Variants in BABAM2 observed in about 807,000 individuals in gnomAD.
BABAM2 encodes BRISC and BRCA1 A complex member 2.
Under a neutral mutation model 54.7 loss-of-function variants are expected in BABAM2, and 31 were observed. The ratio of observed to expected loss-of-function variants is 0.57; its 90% confidence interval spans 0.43 to 0.77. The LOEUF (loss-of-function observed/expected upper bound fraction) is 0.77, where lower values mean the gene tolerates loss of function less well. Ranked by LOEUF, BABAM2 falls within the 30% of genes least tolerant of loss-of-function variation. The pLI, the probability that BABAM2 is intolerant of heterozygous loss-of-function variation, is 0.00. For synonymous variants in BABAM2, 167 were observed against 162.9 expected (o/e 1.03, Z -0.19); for missense variants, 364 against 455.8 (o/e 0.80, Z 1.83).
chr2:27,912,852 C>T (rs1666707390), intron 2 of BABAM2, among the ~76,000 whole-genome samples: 1 of 152,116 alleles, frequency 6.6e-6, no homozygotes, highest in South Asian at 2.1e-4. Flanking sequence ...GACAGATAAC[C>T]TGATGATAAA....
chr2:28,205,462 C>T lies in BABAM2; in HGVS notation c.681-31740C>T, dbSNP rs1045096219. On this transcript the variant is annotated intron_variant, in intron 7 of 11. Coordinates refer to ENST00000379624, the MANE Select transcript of BABAM2 (RefSeq NM_199191.3). ...AGGTCACAGTGAGCTGAGATTGTGC[C>T]ACTGCGCTCCAGCCTGGCGACAGAG... Among the ~76,000 whole-genome samples the T allele has an allele frequency of 2.3e-4, 35 of 152,052 alleles. 1 individual carries two copies. Among genetic ancestry groups the T allele is most frequent in the African/African-American group, 8.0e-4 (33 of 41,390 alleles).
intron 6 of BABAM2, among the ~76,000 whole-genome samples, chr2:28,094,697 A>G (rs1028458868): frequency 6.6e-6 from 1 of 152,032 alleles, no homozygotes; most frequent in Non-Finnish European, 1.5e-5. Flanking sequence ...TTTCTACTCC[A>G]TTCCCTTTCC....
chr2:27,920,695 T>C (rs777951830), intron 2 of BABAM2, among the ~76,000 whole-genome samples: 9 of 152,148 alleles, frequency 5.9e-5, no homozygotes, highest in Non-Finnish European at 1.0e-4. Flanking sequence ...GGAAGCTATG[T>C]AGGACACATG....
chr2:28,033,641 G>T (rs1676455771), intron 5 of BABAM2, among the ~76,000 whole-genome samples: 1 of 152,150 alleles, frequency 6.6e-6, no homozygotes, highest in African/African-American at 2.4e-5. Flanking sequence ...CACATTGGGG[G>T]TTAAATTTCA....
intron 6 of BABAM2, among the ~76,000 whole-genome samples, chr2:28,058,076 G>A (rs994129898): frequency 1.3e-5 from 2 of 151,956 alleles, no homozygotes; most frequent in African/African-American, 4.8e-5. Context: ...CCTGGGAGGC[G>A]GAGCTTGCAG....
At chr2:28,044,147 A>G (rs535383740) in intron 5 of BABAM2, among the ~76,000 whole-genome samples, 128 of 152,306 alleles carry the variant, frequency 8.4e-4, no homozygotes, top group Admixed American at 2.7e-3. Context: ...GGCAGATATT[A>G]GTTATTATTA....
chr2:28,157,049 C>G (rs909834663), intron 7 of BABAM2, among the ~76,000 whole-genome samples: 1 of 152,122 alleles, frequency 6.6e-6, no homozygotes, highest in Admixed American at 6.5e-5. Context: ...ATAGGATGCT[C>G]TTTTATTTAC....
chr2:28,218,497 C>G (rs1043877697), intron 7 of BABAM2, among the ~76,000 whole-genome samples: 1 of 152,028 alleles, frequency 6.6e-6, no homozygotes, highest in Non-Finnish European at 1.5e-5. Context: ...TCATCTTGTT[C>G]CTTAATTTGG....
intron 3 of BABAM2, among the ~76,000 whole-genome samples, chr2:27,985,057 A>ATGTGTGTG (rs35552031): frequency 0.026 from 3,554 of 137,450 alleles, 72 homozygotes; most frequent in East Asian, 0.051. Context: ...GTATTCCATG[A>ATGTGTGTG]TGTGTGTGTG....
At chr2:28,310,111 C>A (rs749936165) in intron 11 of BABAM2, 3 of 1,614,144 alleles carry the variant, frequency 1.9e-6, no homozygotes, top group Non-Finnish European at 2.5e-6. Context: ...GGGGAGGAAT[C>A]CAGCTCTGCC....
intron 6 of BABAM2, among the ~76,000 whole-genome samples, chr2:28,099,934 T>C (rs1666934753): frequency 6.6e-6 from 1 of 152,158 alleles, no homozygotes; most frequent in African/African-American, 2.4e-5. Flanking sequence ...TATAATGCCC[T>C]AATTAAAAAA....
At chr2:28,003,491 A>G (rs72812558) in intron 4 of BABAM2, among the ~76,000 whole-genome samples, 11,982 of 152,122 alleles carry the variant, frequency 0.079, 810 homozygotes, top group African/African-American at 0.18. Flanking sequence ...TTGGGAGGCT[A>G]AAGTGGGAGA....
chr2:28,087,062 A>G (rs1232191230), intron 6 of BABAM2, among the ~76,000 whole-genome samples: 2 of 152,242 alleles, frequency 1.3e-5, no homozygotes, highest in East Asian at 1.9e-4. Context: ...GGGCTTAACT[A>G]TGAGAAGACC....
At chr2:28,062,491 A>C (rs976025474) in intron 6 of BABAM2, among the ~76,000 whole-genome samples, 14 of 145,914 alleles carry the variant, frequency 9.6e-5, no homozygotes, top group African/African-American at 3.6e-4. Context: ...TGAACCCGGG[A>C]GGTGGAGGTT....
chr2:28,102,622 C>T (rs1481806007), intron 6 of BABAM2, among the ~76,000 whole-genome samples: 3 of 152,170 alleles, frequency 2.0e-5, no homozygotes, highest in Non-Finnish European at 4.4e-5. Context: ...TTCTCAATTC[C>T]AGTAAATTCC....
chr2:27,999,659 G>C (rs1206023697), intron 4 of BABAM2, among the ~76,000 whole-genome samples: 3 of 152,170 alleles, frequency 2.0e-5, no homozygotes, highest in African/African-American at 7.2e-5. Flanking sequence ...TTCATGATTT[G>C]AGGATAATAT....
chr2:28,141,673 A>G (rs1318888267), intron 7 of BABAM2, among the ~76,000 whole-genome samples: 1 of 152,152 alleles, frequency 6.6e-6, no homozygotes, highest in African/African-American at 2.4e-5. Context: ...TGTTAGGACC[A>G]TGACCTCATT....
chr2:28,143,944 C>G (rs1344084601), intron 7 of BABAM2, among the ~76,000 whole-genome samples: 2 of 152,208 alleles, frequency 1.3e-5, no homozygotes, highest in Admixed American at 6.5e-5. Flanking sequence ...CCTGACCCAC[C>G]TGCCCCTCCC....
At chr2:28,051,515 G>C (rs1055466560) in intron 6 of BABAM2, among the ~76,000 whole-genome samples, 1 of 152,204 alleles carries the variant, frequency 6.6e-6, no homozygotes, top group African/African-American at 2.4e-5. Context: ...GCAGGATAAT[G>C]AAACCAAAGT....
Sources: allele counts gnomAD v4.1 joint callset (sites outside exome capture counted in the v4.1 genomes callset), GRCh38; gene constraint gnomAD v4.1.1; transcripts MANE v1.5; gene names NCBI Gene and HGNC (gene_info 2026-07-23, HGNC 2026-07-21).